The following AFG1L variants were observed in gnomAD, a reference collection of about 807,000 sequenced individuals.
AFG1L encodes AFG1-like ATPase.
A neutral mutation model predicts 62.2 loss-of-function variants in AFG1L; 53 were observed. That is an observed-to-expected ratio of 0.85 (90% CI 0.68 to 1.07). AFG1L has a LOEUF of 1.07. Ranked by LOEUF, AFG1L falls within the 50% of genes least tolerant of loss-of-function variation. The pLI, the probability that AFG1L is intolerant of heterozygous loss-of-function variation, is 0.00. For synonymous variants in AFG1L, 228 were observed against 210.3 expected, an observed-to-expected ratio of 1.08 and a Z score of -0.73; for missense variants, 555 against 590.5, an observed-to-expected ratio of 0.94 and a Z score of 0.62.
chr6:108,347,419 A>G (rs1778905682), intron 3 of AFG1L, among the ~76,000 whole-genome samples: 2 of 152,162 alleles, frequency 1.3e-5, no homozygotes, highest in South Asian at 4.1e-4. Flanking sequence ...TTTAATTTCC[A>G]TTAATATTTC....
In AFG1L at chr6:108,404,646, T is replaced by C. The variant is rs72938626; in HGVS notation, c.807+2592T>C. Reference sequence around the variant, plus strand: ...CACTATAATTGTGAATTTGTCTATTTTTCTTGTAATTCTGTCATTTGCCTT... The same window carrying C: ...CACTATAATTGTGAATTTGTCTATTCTTCTTGTAATTCTGTCATTTGCCTT... On this transcript the variant is annotated intron_variant, in intron 7 of 12. Transcript: ENST00000368977. Among the ~76,000 whole-genome samples, 1,424 of 152,268 alleles carry C rather than the reference T, an allele frequency of 9.4e-3. 12 individuals carry two copies. Among genetic ancestry groups the C allele is most frequent in the Middle Eastern group, 0.02 (6 of 294 alleles).
intron 2 of AFG1L, among the ~76,000 whole-genome samples, chr6:108,340,405 C>A (rs1778637437): frequency 6.7e-6 from 1 of 148,342 alleles, no homozygotes; most frequent in Non-Finnish European, 1.5e-5. Context: ...GCTCTGTTGT[C>A]CAGGCTGGAG....
At chr6:108,362,392 A>C (rs998667288) in intron 5 of AFG1L, among the ~76,000 whole-genome samples, 1 of 152,118 alleles carries the variant, frequency 6.6e-6, no homozygotes, top group Admixed American at 6.5e-5. Flanking sequence ...TATGTTCTAT[A>C]ATATTAGTTA....
At chr6:108,347,270 G>A (rs1252150841) in intron 3 of AFG1L, among the ~76,000 whole-genome samples, 1 of 152,050 alleles carries the variant, frequency 6.6e-6, no homozygotes, top group Non-Finnish European at 1.5e-5. Flanking sequence ...ATGTTAGGGT[G>A]CAAACATTAT....
chr6:108,457,082 CG>C (rs1772281319), intron 8 of AFG1L, among the ~76,000 whole-genome samples: 1 of 152,104 alleles, frequency 6.6e-6, no homozygotes, highest in Non-Finnish European at 1.5e-5. Flanking sequence ...ACTGTATATA[CG>C]ATGCATATTA....
chr6:108,355,118 T>G (rs1283918954), intron 3 of AFG1L, among the ~76,000 whole-genome samples: 1 of 151,456 alleles, frequency 6.6e-6, no homozygotes, highest in Non-Finnish European at 1.5e-5. Flanking sequence ...TTTTTTTTTT[T>G]GTTTTGAGAT....
At chr6:108,416,318 T>G (rs1031650153) in intron 7 of AFG1L, among the ~76,000 whole-genome samples, 30 of 152,198 alleles carry the variant, frequency 2.0e-4, no homozygotes, top group African/African-American at 7.0e-4. Context: ...GCTTTTACAC[T>G]GTTGGTGGGA....
Position 108,325,773 on chromosome 6 carries a change from A to G in AFG1L, c.363+1725A>G, listed in dbSNP as rs149666441. Among the ~76,000 whole-genome samples the G allele has an allele frequency of 4.9e-3, 749 of 151,962 alleles. 3 individuals carry two copies. Among genetic ancestry groups the G allele is most frequent in the African/African-American group, 0.017 (724 of 41,436 alleles). On this transcript the variant is annotated intron_variant, in intron 2 of 12. Transcript: ENST00000368977. ...AGTGCTGGGATTACAGGCATAAGCC[A>G]CTGCACCTGACCTATTTATTTATTT...
intron 7 of AFG1L, among the ~76,000 whole-genome samples, chr6:108,446,999 AT>A (rs919943721): frequency 6.6e-6 from 1 of 152,154 alleles, no homozygotes; most frequent in African/African-American, 2.4e-5. Context: ...GCAAATTTTA[AT>A]TTTTTTAAAC....
In AFG1L at chr6:108,356,800, CTA is replaced by C. The variant is rs982390085; in HGVS notation, c.630_631del (p.Cys211PhefsTer2). 6.2e-7 allele frequency: 1 copy of C among 1,612,468 alleles called. No individual in the cohort carries two copies. The highest frequency in any genetic ancestry group is 1.3e-5 in the African/African-American group (1 of 74,950). ...AGAAATCAGCGAAGAAGCATGTCTC[CTA>C]TGTTTTGATGAATTTCAGGTAAAGT... ...AEEISEEACL[L>X]CFDEFQVTDI... On this transcript the variant is annotated frameshift_variant, in exon 5 of 13. Transcript: ENST00000368977. LOFTEE classifies it high-confidence loss of function.
At chr6:108,520,459 G>GT (rs1191932268) in intron 12 of AFG1L, 1 of 152,098 alleles carries the variant, frequency 6.6e-6, no homozygotes, top group Non-Finnish European at 1.5e-5. Flanking sequence ...GTGACTTTGC[G>GT]TTTTCTTCTT....
At chr6:108,456,275 T>C (rs998304877) in intron 8 of AFG1L, among the ~76,000 whole-genome samples, 2 of 152,140 alleles carry the variant, frequency 1.3e-5, no homozygotes, top group Non-Finnish European at 2.9e-5. Context: ...TTGCATGATA[T>C]GTCTTTTCTC....
intron 1 of AFG1L, among the ~76,000 whole-genome samples, chr6:108,304,318 TC>T (rs1777122823): frequency 6.6e-6 from 1 of 152,260 alleles, no homozygotes; most frequent in South Asian, 2.1e-4. Context: ...CAATGGTAAG[TC>T]TGACTTTTTG....
intron 6 of AFG1L, among the ~76,000 whole-genome samples, chr6:108,372,523 T>C (rs935727326): frequency 7.9e-5 from 12 of 152,084 alleles, no homozygotes; most frequent in African/African-American, 2.7e-4. Context: ...AGAGATGGGG[T>C]TTCACTATGT....
intron 6 of AFG1L, among the ~76,000 whole-genome samples, chr6:108,369,947 GCTAT>G (rs1312272545): frequency 1.4e-3 from 186 of 130,244 alleles, no homozygotes; most frequent in African/African-American, 5.3e-3. Context: ...TGGCTGGCTG[GCTAT>G]CTATCTATCT....
At chr6:108,442,319 C>G (rs1421779110) in intron 7 of AFG1L, among the ~76,000 whole-genome samples, 1 of 151,846 alleles carries the variant, frequency 6.6e-6, no homozygotes, top group East Asian at 1.9e-4. Flanking sequence ...AATATATATT[C>G]ATATATCTCT....
chr6:108,442,754 A>G (rs1198192535), intron 7 of AFG1L, among the ~76,000 whole-genome samples: 2 of 150,836 alleles, frequency 1.3e-5, no homozygotes, highest in Non-Finnish European at 3.0e-5. Flanking sequence ...CACTCAGGGT[A>G]ACCAAGCATC....
intron 8 of AFG1L, among the ~76,000 whole-genome samples, chr6:108,469,560 T>C (rs2114797207): frequency 1.3e-5 from 2 of 152,128 alleles, no homozygotes; most frequent in Middle Eastern, 6.8e-3. Context: ...TGAAAATACG[T>C]TGTAAGGGTG....
At chr6:108,468,521 G>C (rs1158388307) in intron 8 of AFG1L, among the ~76,000 whole-genome samples, 1 of 152,090 alleles carries the variant, frequency 6.6e-6, no homozygotes, top group Admixed American at 6.6e-5. Flanking sequence ...AATTGCATAA[G>C]GATATGCCTT....
Sources: allele counts gnomAD v4.1 joint callset (sites outside exome capture counted in the v4.1 genomes callset), GRCh38; gene constraint gnomAD v4.1.1; transcripts MANE v1.5; gene names NCBI Gene and HGNC (gene_info 2026-07-23, HGNC 2026-07-21).